The following AFMID variants were observed in gnomAD, a reference collection of about 807,000 sequenced individuals.
AFMID encodes the protein arylformamidase, also known as kynurenine formamidase.
Under a neutral mutation model 47.5 loss-of-function variants are expected in AFMID, and 39 were observed. That is an observed-to-expected ratio of 0.82 (90% CI 0.64 to 1.07). The LOEUF (loss-of-function observed/expected upper bound fraction) is 1.07, where lower values mean the gene tolerates loss of function less well. Ranked by LOEUF, AFMID falls within the 50% of genes least tolerant of loss-of-function variation. AFMID has a pLI of 0.00. For missense variants in AFMID, 375 were observed against 387.5 expected, an observed-to-expected ratio of 0.97 and a Z score of 0.27; for synonymous variants, 130 against 153.2, an observed-to-expected ratio of 0.85 and a Z score of 1.12.
intron 2 of AFMID, among the ~76,000 whole-genome samples, chr17:78,195,247 G>C (rs952082049): frequency 2.0e-5 from 3 of 151,336 alleles, no homozygotes; most frequent in African/African-American, 7.3e-5. Flanking sequence ...CAGGCTGGAG[G>C]GCAGTGGTGC....
intron 6 of AFMID, 86 bp downstream of exon 6, chr17:78,204,986 G>A (rs1212609466): frequency 6.3e-7 from 1 of 1,583,350 alleles, no homozygotes; most frequent in African/African-American, 1.3e-5. Context: ...CAGCCAAGCT[G>A]CCCCTCTGGC....
chr17:78,204,453 A>G (rs2076323479), intron 4 of AFMID, among the ~76,000 whole-genome samples: 1 of 152,180 alleles, frequency 6.6e-6, no homozygotes, highest in Non-Finnish European at 1.5e-5. Context: ...GAAAACAAAA[A>G]GTTACATGAA....
chr17:78,198,596 G>A (rs964289053), intron 2 of AFMID, among the ~76,000 whole-genome samples: 6 of 149,136 alleles, frequency 4.0e-5, no homozygotes, highest in African/African-American at 1.2e-4. Context: ...CGGAGATTGC[G>A]CCGTTGCACT....
At chr17:78,191,636 G>A (rs1280409114) in intron 2 of AFMID, among the ~76,000 whole-genome samples, 1 of 149,586 alleles carries the variant, frequency 6.7e-6, no homozygotes, top group East Asian at 2.1e-4. Context: ...TTACATCATT[G>A]CATGCCAGCC....
At chr17:78,205,275 C>A in intron 7 of AFMID, 85 bp downstream of exon 7, 2 of 1,472,940 alleles carry the variant, frequency 1.4e-6, no homozygotes, top group Non-Finnish European at 1.9e-6. Flanking sequence ...GAAATCCTCC[C>A]GGCCATGAGT....
At chr17:78,199,948 G>T (rs1443146444) in intron 2 of AFMID, among the ~76,000 whole-genome samples, 1 of 152,036 alleles carries the variant, frequency 6.6e-6, no homozygotes, top group Non-Finnish European at 1.5e-5. Flanking sequence ...GCCCCCAGAG[G>T]CCTTAGGTCT....
At chr17:78,193,581 A>G (rs1396209553) in intron 2 of AFMID, among the ~76,000 whole-genome samples, 2 of 151,330 alleles carry the variant, frequency 1.3e-5, no homozygotes, top group Non-Finnish European at 2.9e-5. Flanking sequence ...GAACTGTCAC[A>G]CACGCCTGTA....
chr17:78,205,433 T>C lies in AFMID; in HGVS notation c.566-7T>C, dbSNP rs759675334. The C allele has an allele frequency of 2.5e-6, 4 of 1,614,116 alleles. No individual in the cohort carries two copies. The highest frequency in any genetic ancestry group is 3.4e-6 in the Non-Finnish European group (4 of 1,179,930). On this transcript the variant is annotated splice_polypyrimidine_tract_variant and splice_region_variant and intron_variant, in intron 7 of 10. Coordinates refer to ENST00000409257, the MANE Select transcript of AFMID (RefSeq NM_001010982.5). ...CCTGGCCCTGTGACAATTCTGTACC[T>C]TCACAGGCTTTTTCCTGGTGAGTGG...
chr17:78,206,845 T>G, intron 10 of AFMID, 66 bp from the exon 11 acceptor site: 1 of 1,582,122 alleles, frequency 6.3e-7, no homozygotes, highest in Non-Finnish European at 8.7e-7. Flanking sequence ...TCTCATTTCC[T>G]TAATCAAATT....
At chr17:78,200,195 G>A (rs904545258) in intron 2 of AFMID, among the ~76,000 whole-genome samples, 2 of 152,042 alleles carry the variant, frequency 1.3e-5, no homozygotes, top group African/African-American at 4.8e-5. Context: ...TTGCTCTGTC[G>A]CCCAGGCTGG....
chr17:78,194,482 C>G (rs2076057634), intron 2 of AFMID, among the ~76,000 whole-genome samples: 1 of 152,070 alleles, frequency 6.6e-6, no homozygotes, highest in East Asian at 1.9e-4. Flanking sequence ...ACAATGCCAG[C>G]CTGTTAACTT....
In AFMID at chr17:78,187,451, A is replaced by T. The variant is rs775813283; in HGVS notation, c.63+18A>T. On this transcript the variant is annotated intron_variant, in intron 1 of 10. Transcript: ENST00000409257. ...CTGCAGAGGTAGGTGGATTGCAGGG[A>T]GGGACTAAGGGGCTGGGGCGGAGTT... 5.0e-6 allele frequency: 8 copies of T among 1,613,396 alleles called. No individual in the cohort carries two copies. The South Asian group carries it at 8.8e-5, about 18-fold the overall frequency.
intron 2 of AFMID, among the ~76,000 whole-genome samples, chr17:78,194,013 C>G (rs11655592): frequency 0.28 from 42,788 of 150,538 alleles, 6,173 homozygotes; most frequent in African/African-American, 0.31. Context: ...AGCAGGGTGC[C>G]GTAGTGTGCA....
At position 78,205,178 on chromosome 17, in the gene AFMID, C is replaced by T. The variant is rs771241925; in HGVS notation, c.553C>T (p.Pro185Ser). 6.8e-6 allele frequency: 11 copies of T among 1,611,578 alleles called. No homozygotes were observed. Among genetic ancestry groups the T allele is most frequent in the African/African-American group, 1.3e-5 (1 of 74,914 alleles). The part of the protein sequence containing the change: ...LADWTKHGVT[P>S]NLRGFFLVSG... ...CGACTGGACCAAGCATGGGGTCACG[C>T]CCAACCTCAGAGGTTTCCATGGGAG... is the stretch of plus-strand genomic sequence containing the variant. Residue 185 changes from proline to serine, a missense_variant, in exon 7 of 11, where the codon CCC becomes TCC. Physicochemically the swap from Pro to Ser is moderately conservative, Grantham distance 74. Coordinates refer to ENST00000409257, the MANE Select transcript of AFMID (RefSeq NM_001010982.5).
intron 1 of AFMID, chr17:78,190,747 T>G: frequency 2.0e-6 from 1 of 488,042 alleles, no homozygotes; most frequent in Non-Finnish European, 3.7e-6. Context: ...ATTAACTGAA[T>G]TCGTTTGGGG....
rs962142238 is a variant in AFMID, at chr17:78,207,115, C to T, written c.*178C>T. Reference sequence around the variant, plus strand: ...GCTGGGACACTCATGAAAATCTCCACGTCCTCCCTCTTCCCAGCCTGGATG... The same window carrying T: ...GCTGGGACACTCATGAAAATCTCCATGTCCTCCCTCTTCCCAGCCTGGATG... On this transcript the variant is annotated 3_prime_UTR_variant, in exon 11 of 11. Transcript: ENST00000409257. 10 of 687,114 alleles carry T rather than the reference C, an allele frequency of 1.5e-5. No homozygotes were observed. Among genetic ancestry groups the T allele is most frequent in the South Asian group, 3.4e-5 (2 of 59,122 alleles). The allele number at this position is 687,114 out of a possible 1,614,324, so 42.6% of individuals were successfully genotyped here. A position where few individuals can be genotyped will look rare whatever the true frequency, so the allele number is the denominator to read the frequency against.
intron 2 of AFMID, among the ~76,000 whole-genome samples, chr17:78,193,145 G>A (rs1272270766): frequency 6.6e-6 from 1 of 152,060 alleles, no homozygotes; most frequent in East Asian, 1.9e-4. Context: ...GCCGAGGCGG[G>A]CGGATCATGA....
intron 4 of AFMID, 155 bp downstream of exon 4, chr17:78,202,906 A>T (rs2076284048): frequency 2.1e-6 from 2 of 943,364 alleles, no homozygotes; most frequent in African/African-American, 1.6e-5. Context: ...CTCAAGTCAA[A>T]TGTGGGCAGG....
In AFMID at chr17:78,205,647, C is replaced by A. The variant is rs1329530609; in HGVS notation, c.689C>A (p.Ala230Glu). The A allele has an allele frequency of 1.9e-6, 3 of 1,613,848 alleles. No homozygotes were observed. Among genetic ancestry groups the A allele is most frequent in the African/African-American group, 1.3e-5 (1 of 75,044 alleles). Residue 230 changes from alanine to glutamate, a missense_variant, in exon 9 of 11, where the codon GCA becomes GAA. Transcript: ENST00000409257. Reference sequence around the variant, plus strand: ...AGCCCCCAGCTGAAGGTGGCCCAGGCACAGCCGGTGGACCCCACCTGCCGT... The same window carrying A: ...AGCCCCCAGCTGAAGGTGGCCCAGGAACAGCCGGTGGACCCCACCTGCCGT... ...RNSPQLKVAQ[A>E]QPVDPTCRVL... is the part of the protein sequence containing the mutation.
Sources: gnomAD v4.1 joint callset for allele counts (sites outside exome capture counted in the v4.1 genomes callset) on GRCh38, gnomAD v4.1.1 for gene constraint, MANE v1.5 for transcripts, NCBI Gene and HGNC (gene_info 2026-07-23, HGNC 2026-07-21) for gene names.